The following TMEM132C variants were observed in gnomAD, a reference collection of about 807,000 sequenced individuals.
TMEM132C encodes the protein transmembrane protein 132C, also known as protein phosphatase 1, regulatory subunit 152.
Under a neutral mutation model 61.4 loss-of-function variants are expected in TMEM132C, and 29 were observed. That is an observed-to-expected ratio of 0.47 (90% CI 0.35 to 0.64). The LOEUF is 0.64. Ranked by LOEUF, TMEM132C falls within the 30% of genes least tolerant of loss-of-function variation. The pLI is 0.00. For missense variants in TMEM132C, 1,408 were observed against 1,476.9 expected (o/e 0.95, Z 0.76); for synonymous variants, 656 against 633.1 (o/e 1.04, Z -0.54).
At chr12:128,609,929 G>A (rs549848141) in intron 3 of TMEM132C, among the ~76,000 whole-genome samples, 3 of 152,332 alleles carry the variant, frequency 2.0e-5, no homozygotes, top group Admixed American at 2.0e-4. Context: ...TAGGCCCCAT[G>A]CCTATTTCTC....
intron 1 of TMEM132C, among the ~76,000 whole-genome samples, chr12:128,381,100 C>A (rs1240037311): frequency 1.3e-5 from 2 of 152,320 alleles, no homozygotes; most frequent in Non-Finnish European, 2.9e-5. Flanking sequence ...ATTACAAGGA[C>A]CGCAGAAAGG....
At chr12:128,601,414 C>T (rs984195539) in intron 3 of TMEM132C, among the ~76,000 whole-genome samples, 6 of 152,292 alleles carry the variant, frequency 3.9e-5, no homozygotes, top group South Asian at 2.1e-4. Context: ...TATCACGAGG[C>T]GATCACGGGG....
chr12:128,464,802 G>GAAAGAGAGAA (rs1362980152), intron 2 of TMEM132C, among the ~76,000 whole-genome samples: 3 of 134,550 alleles, frequency 2.2e-5, no homozygotes, highest in Non-Finnish European at 3.4e-5. Flanking sequence ...GAGAGGGAGG[G>GAAAGAGAGAA]AGGGAGGAAG....
intron 1 of TMEM132C, among the ~76,000 whole-genome samples, chr12:128,339,219 C>T (rs960459339): frequency 1.3e-5 from 2 of 151,938 alleles, no homozygotes; most frequent in Non-Finnish European, 2.9e-5. Context: ...GTGCCAGGGA[C>T]CTCCAAGGGC....
At chr12:128,469,330 CTT>C (rs11463008) in intron 2 of TMEM132C, among the ~76,000 whole-genome samples, 20 of 135,404 alleles carry the variant, frequency 1.5e-4, no homozygotes, top group Admixed American at 2.3e-4. Context: ...ATAAAGCATG[CTT>C]TTTTTTTTTT....
intron 2 of TMEM132C, among the ~76,000 whole-genome samples, chr12:128,416,388 C>T (rs1868782918): frequency 6.6e-6 from 1 of 152,128 alleles, no homozygotes. Flanking sequence ...AATCCTCTTA[C>T]AATGTGTACT....
chr12:128,544,684 A>C (rs1161424220), intron 3 of TMEM132C, among the ~76,000 whole-genome samples: 1 of 152,250 alleles, frequency 6.6e-6, no homozygotes, highest in Non-Finnish European at 1.5e-5. Context: ...ACTCAAGGGT[A>C]ACCCACTGAT....
In TMEM132C at chr12:128,415,465, C is replaced by A; in HGVS notation, c.819C>A (p.Gly273=). Residue 273 remains glycine (G), a synonymous_variant, in exon 2 of 9, where the codon GGC becomes GGA. Transcript: ENST00000435159. The surrounding 1 kb of genome is among the most constrained non-coding windows in gnomAD (Gnocchi z 5.8). ...TSHLQRIGTV[G]LYRAQDSAQL... The stretch of plus-strand genomic sequence containing the variant: ...ACCTGCAGAGGATCGGCACCGTCGG[C>A]CTTTACCGGGCCCAGGACAGCGCCC... The A allele has an allele frequency of 6.4e-7, 1 of 1,551,664 alleles. No homozygotes were observed. The highest frequency in any genetic ancestry group is 8.7e-7 in the Non-Finnish European group (1 of 1,147,004).
At chr12:128,320,054 G>A (rs1872280740) in intron 1 of TMEM132C, among the ~76,000 whole-genome samples, 1 of 152,122 alleles carries the variant, frequency 6.6e-6, no homozygotes, top group Admixed American at 6.6e-5. Flanking sequence ...TGTTGAATCA[G>A]CCCTATAGTC....
At chr12:128,505,167 T>C (rs974229541) in intron 2 of TMEM132C, among the ~76,000 whole-genome samples, 1 of 152,052 alleles carries the variant, frequency 6.6e-6, no homozygotes, top group Non-Finnish European at 1.5e-5. Context: ...GGGAAGGAGA[T>C]GGTTGGCTCC....
chr12:128,435,516 A>G (rs1593052251), intron 2 of TMEM132C, among the ~76,000 whole-genome samples: 1 of 152,320 alleles, frequency 6.6e-6, no homozygotes, highest in South Asian at 2.1e-4. Flanking sequence ...ACAGACAAAC[A>G]GCCAAATCAT....
chr12:128,473,296 G>T (rs112446853), intron 2 of TMEM132C, among the ~76,000 whole-genome samples: 3 of 1,290 alleles, frequency 2.3e-3, no homozygotes, highest in South Asian at 0.022. Flanking sequence ...TCCAGCCTCC[G>T]TCTTCATCTT....
At position 128,705,350 on chromosome 12, in the gene TMEM132C, C is replaced by T. The variant is rs769075838; in HGVS notation, c.2382C>T (p.Asn794=). The T allele has an allele frequency of 7.1e-6, 11 of 1,551,448 alleles. No homozygotes were observed. Among genetic ancestry groups the T allele is most frequent in the Non-Finnish European group, 7.8e-6 (9 of 1,146,958 alleles). Residue 794 remains asparagine, a synonymous_variant, in exon 9 of 9, where the codon AAC becomes AAT. Coordinates refer to ENST00000435159, the MANE Select transcript of TMEM132C (RefSeq NM_001136103.3). The part of the protein sequence containing the change: ...RKSILAVGVG[N]VRVKFGQNDA... ...GCATCCTGGCTGTGGGCGTCGGCAA[C>T]GTCAGGGTCAAGTTCGGACAGAACG...
At chr12:128,438,384 G>T (rs538430567) in intron 2 of TMEM132C, among the ~76,000 whole-genome samples, 1 of 152,114 alleles carries the variant, frequency 6.6e-6, no homozygotes, top group African/African-American at 2.4e-5. Flanking sequence ...ATTCTCTCAT[G>T]CTTCCTCTCT....
At chr12:128,333,851 A>T (rs79849956) in intron 1 of TMEM132C, among the ~76,000 whole-genome samples, 6,666 of 145,872 alleles carry the variant, frequency 0.046, 506 homozygotes, top group African/African-American at 0.16. Context: ...ATGTGTGAGA[A>T]TGTGTGGCTC....
chr12:128,629,059 G>C (rs1954043423), intron 4 of TMEM132C, among the ~76,000 whole-genome samples: 1 of 152,226 alleles, frequency 6.6e-6, no homozygotes. Context: ...ATACATGTCT[G>C]TGTGGATGCA....
chr12:128,333,276 T>C (rs978916694), intron 1 of TMEM132C, among the ~76,000 whole-genome samples: 11 of 151,820 alleles, frequency 7.2e-5, no homozygotes, highest in African/African-American at 2.4e-4. Context: ...TGTGTTTACA[T>C]GGGTTTGAGT....
intron 2 of TMEM132C, among the ~76,000 whole-genome samples, chr12:128,463,379 C>T (rs909432870): frequency 4.6e-5 from 7 of 152,088 alleles, no homozygotes; most frequent in East Asian, 1.9e-4. Flanking sequence ...AGTGCAATGA[C>T]GCGATCTCAG....
At chr12:128,543,684 T>C (rs1051637895) in intron 2 of TMEM132C, among the ~76,000 whole-genome samples, 2 of 152,110 alleles carry the variant, frequency 1.3e-5, no homozygotes, top group Admixed American at 6.5e-5. Flanking sequence ...TTGACAGCTC[T>C]GCCCTGCCAC....
Sources: allele counts gnomAD v4.1 joint callset (sites outside exome capture counted in the v4.1 genomes callset), GRCh38; gene constraint gnomAD v4.1.1; non-coding constraint Gnocchi (gnomAD v3.1); transcripts MANE v1.5; gene names NCBI Gene and HGNC (gene_info 2026-07-23, HGNC 2026-07-21).